BPIFC: variants seen among roughly 807,000 people sequenced by gnomAD.
The protein encoded by BPIFC is BPI fold-containing family C protein.
BPIFC carries 60 observed loss-of-function variants against 57.6 expected under a neutral mutation model. That is an observed-to-expected ratio of 1.04 (90% CI 0.85 to 1.29). BPIFC has a LOEUF of 1.29. BPIFC is among the 50% of genes most tolerant of loss of function. The pLI is 0.00. For missense variants in BPIFC, 581 were observed against 600.5 expected, an observed-to-expected ratio of 0.97 and a Z score of 0.34; for synonymous variants, 243 against 224.5, an observed-to-expected ratio of 1.08 and a Z score of -0.74.
chr22:32,451,745 C>T (rs1934901520), intron 4 of BPIFC, among the ~76,000 whole-genome samples: 1 of 151,832 alleles, frequency 6.6e-6, no homozygotes, highest in African/African-American at 2.4e-5. Context: ...CCTGTTTCTC[C>T]CCATCTCCAC....
intron 13 of BPIFC, among the ~76,000 whole-genome samples, chr22:32,423,585 T>G (rs1361624539): frequency 1.3e-5 from 2 of 150,598 alleles, no homozygotes; most frequent in African/African-American, 2.5e-5. Flanking sequence ...TGGGTGTGTG[T>G]GTGTGTGTGT....
At chr22:32,464,316 C>T in intron 1 of BPIFC, 58 bp downstream of exon 1, 2 of 808,658 alleles carry the variant, frequency 2.5e-6, no homozygotes, top group Non-Finnish European at 3.0e-6. Flanking sequence ...AAATCTGGGA[C>T]ATCTCCAGTT....
intron 9 of BPIFC, 25 bp downstream of exon 9, chr22:32,437,718 TGTTGACAGCCAGGCTGA>T: frequency 2.9e-6 from 4 of 1,390,426 alleles, no homozygotes; most frequent in Non-Finnish European, 4.1e-6. Context: ...AAATATTGGC[TGTTGACAGCCAGGCTGA>T]GGATTCTGAT....
intron 13 of BPIFC, among the ~76,000 whole-genome samples, chr22:32,425,432 C>T (rs1236835027): frequency 6.6e-6 from 1 of 151,878 alleles, no homozygotes; most frequent in Non-Finnish European, 1.5e-5. Flanking sequence ...ATGAATTATA[C>T]AAAAAAGGAC....
rs759294572 is a variant in BPIFC, at chr22:32,445,834, C to T, written c.530+7G>A. ...TAGCCACTGCCCAACCCAGGGCTCT[C>T]ATTCACCTGAGTTCTCCGGAAAATG... is the stretch of plus-strand genomic sequence containing the variant. On this transcript the variant is annotated splice_region_variant and intron_variant, in intron 6 of 16. Transcript: ENST00000300399. 4 of 1,613,516 alleles carry T rather than the reference C, an allele frequency of 2.5e-6. No homozygotes were observed. In the East Asian group the frequency reaches 8.9e-5, roughly 36 times the overall value.
At chr22:32,461,822 A>G (rs1935165814) in intron 1 of BPIFC, among the ~76,000 whole-genome samples, 161 bp from the exon 2 acceptor site, 1 of 152,240 alleles carries the variant, frequency 6.6e-6, no homozygotes, top group Non-Finnish European at 1.5e-5. Context: ...CTGCCGGCTA[A>G]AAATTGTAAA....
chr22:32,416,062 G>C (rs1271467801), intron 15 of BPIFC, 71 bp from the exon 16 acceptor site: 3 of 824,514 alleles, frequency 3.6e-6, no homozygotes, highest in South Asian at 1.8e-5. Flanking sequence ...TTTAGTAAGA[G>C]ACTGACTGAC....
chr22:32,461,977 T>A lies in BPIFC; in HGVS notation c.-88-316A>T, dbSNP rs112259572. 1.3e-4 allele frequency among the ~76,000 whole-genome samples: 19 copies of A among 151,928 alleles called. No individual in the cohort carries two copies. The East Asian group carries it at 3.3e-3, about 26-fold the overall frequency. On this transcript the variant is annotated intron_variant, in intron 1 of 16. Coordinates refer to ENST00000300399, the MANE Select transcript of BPIFC (RefSeq NM_174932.3). ...TCATGAGGTCAAGAGATCAAGGCCA[T>A]CCTGGCTAACATGGTGAAACTGTCT...
rs150488449 is a variant in BPIFC, at chr22:32,436,981, C to G, written c.747+779G>C. Among the ~76,000 whole-genome samples, 161 of 152,296 alleles carry G rather than the reference C, an allele frequency of 1.1e-3. 2 individuals are homozygous for G. Among genetic ancestry groups the G allele is most frequent in the African/African-American group, 3.5e-3 (144 of 41,558 alleles). On this transcript the variant is annotated intron_variant, in intron 9 of 16. Transcript: ENST00000300399. ...AGCTTTGGGGCAAAATGAAACATAA[C>G]CACAATGATTGTTTTTCCATGATCA...
chr22:32,417,189 C>CTTTTTTTTTTTTTTTTT, intron 14 of BPIFC, 41 bp from the exon 15 acceptor site: 1 of 891,986 alleles, frequency 1.1e-6, no homozygotes, highest in Non-Finnish European at 1.6e-6. Context: ...GCAGATCGGG[C>CTTTTTTTTTTTTTTTTT]TTTTTTTTTT....
At position 32,430,704 on chromosome 22, in the gene BPIFC, G is replaced by A. The variant is rs1268277980; in HGVS notation, c.1217+643C>T. Among the ~76,000 whole-genome samples the A allele has an allele frequency of 3.3e-5, 5 of 151,824 alleles. No homozygotes were observed. In the South Asian group the frequency reaches 6.2e-4, roughly 19 times the overall value. The stretch of plus-strand genomic sequence containing the variant: ...TGCTCAGGTTGGAGTGCAGTGGCAC[G>A]ATCATAGCTCACTGTAATCTCAAAC... On this transcript the variant is annotated intron_variant, in intron 13 of 16. Coordinates refer to ENST00000300399, the MANE Select transcript of BPIFC (RefSeq NM_174932.3).
intron 7 of BPIFC, among the ~76,000 whole-genome samples, chr22:32,445,263 C>G (rs1028179063): frequency 6.6e-6 from 1 of 152,152 alleles, no homozygotes. Context: ...ATTGGCCAGG[C>G]GCGGTGGCTC....
At chr22:32,454,528 C>T (rs900170105) in intron 3 of BPIFC, among the ~76,000 whole-genome samples, 1 of 152,120 alleles carries the variant, frequency 6.6e-6, no homozygotes, top group Non-Finnish European at 1.5e-5. Context: ...GGAAAAGAGA[C>T]CTCTCCCACA....
chr22:32,438,479 C>T (rs1040352422), intron 8 of BPIFC, among the ~76,000 whole-genome samples: 2 of 152,134 alleles, frequency 1.3e-5, no homozygotes, highest in Non-Finnish European at 2.9e-5. Flanking sequence ...GCAACCTCTG[C>T]CTCCTGGGTT....
chr22:32,447,339 T>C lies in BPIFC; in HGVS notation c.247A>G (p.Ile83Val). The C allele has an allele frequency of 6.2e-7, 1 of 1,612,212 alleles. No homozygotes were observed. The highest frequency in any genetic ancestry group is 1.1e-5 in the South Asian group (1 of 90,604). Residue 83 changes from isoleucine (I) to valine (V), a missense_variant and splice_region_variant, in exon 5 of 17, where the codon ATA becomes GTA. Physicochemically the swap from Ile to Val is conservative, Grantham distance 29. Coordinates refer to ENST00000300399, the MANE Select transcript of BPIFC (RefSeq NM_174932.3). Reference sequence around the variant, plus strand: ...GGAAATGAAAAGGCACTGATTTTTATACTGTAAAACCAGAAACAAGAAGTT... The same window carrying C: ...GGAAATGAAAAGGCACTGATTTTTACACTGTAAAACCAGAAACAAGAAGTT... The part of the protein sequence containing the change: ...VDYVNYNFSN[I>V]KISAFSFPNT...
rs887841197 is a variant in BPIFC, at chr22:32,430,064, G to A, written c.1217+1283C>T. Among the ~76,000 whole-genome samples, 6 of 152,288 alleles carry A rather than the reference G, an allele frequency of 3.9e-5. No homozygotes were observed. The East Asian group carries it at 5.8e-4, about 15-fold the overall frequency. Reference sequence around the variant, plus strand: ...AATGGGCTTTGCAGACGGTTCTGCCGAATGGCACTTAGTGGTCAATGATCT... The same window carrying A: ...AATGGGCTTTGCAGACGGTTCTGCCAAATGGCACTTAGTGGTCAATGATCT... On this transcript the variant is annotated intron_variant, in intron 13 of 16. Transcript: ENST00000300399.
chr22:32,446,069 A>G (rs1459250877), intron 5 of BPIFC, 73 bp from the exon 6 acceptor site: 19 of 1,546,738 alleles, frequency 1.2e-5, no homozygotes, highest in Non-Finnish European at 1.5e-5. Context: ...CTGATTACCC[A>G]GAGACTCTAA....
chr22:32,423,253 G>C (rs774855653), intron 13 of BPIFC, among the ~76,000 whole-genome samples: 1 of 152,186 alleles, frequency 6.6e-6, no homozygotes, highest in East Asian at 1.9e-4. Flanking sequence ...CTTTTGATGA[G>C]TAAGAGTTAT....
intron 3 of BPIFC, among the ~76,000 whole-genome samples, chr22:32,454,813 A>G (rs12628214): frequency 0.074 from 11,261 of 152,204 alleles, 449 homozygotes; most frequent in Admixed American, 0.081. Context: ...CAACTTTGCC[A>G]CTGAATAGCT....
Sources: allele counts gnomAD v4.1 joint callset (sites outside exome capture counted in the v4.1 genomes callset), GRCh38; gene constraint gnomAD v4.1.1; transcripts MANE v1.5; gene names NCBI Gene and HGNC (gene_info 2026-07-23, HGNC 2026-07-21).